Variants in PTPN11 observed in about 807,000 individuals in gnomAD.
The protein encoded by PTPN11 is tyrosine-protein phosphatase non-receptor type 11.
A neutral mutation model predicts 78.8 loss-of-function variants in PTPN11; 6 were observed. The ratio of observed to expected loss-of-function variants is 0.08; its 90% CI spans 0.04 to 0.15. PTPN11 has a LOEUF of 0.15. Among genes scored for constraint, PTPN11 ranks in the 10% least tolerant of loss-of-function variants. The pLI, the probability that PTPN11 is intolerant of heterozygous loss-of-function variation, is 1.00. For synonymous variants in PTPN11, 221 were observed against 263.5 expected, an observed-to-expected ratio of 0.84 and a Z score of 1.56; for missense variants, 386 against 744.8, an observed-to-expected ratio of 0.52 and a Z score of 5.61.
chr12:112,453,334 G>T lies in PTPN11; in HGVS notation c.472G>T (p.Gly158Trp), dbSNP rs2135867266. 1 of 1,614,138 alleles carries T rather than the reference G, an allele frequency of 6.2e-7. No homozygotes were observed. Among genetic ancestry groups the T allele is most frequent in the Non-Finnish European group, 8.5e-7 (1 of 1,180,032 alleles). The change falls in exon 4 of 16, where the codon GGG becomes TGG. Residue 158 changes from glycine to tryptophan, a missense_variant. Gly to Trp is a radical substitution (Grantham distance 184). This residue lies in a region of PTPN11 where 279 missense variants were observed against 503.3 expected (regional missense o/e 0.55). Coordinates refer to ENST00000351677, the MANE Select transcript of PTPN11 (RefSeq NM_002834.5). ...TTCTGTGCGCACTGGTGATGACAAA[G>T]GGGAGAGCAATGACGGCAAGTCTAA... is the stretch of plus-strand genomic sequence containing the variant. ...VLSVRTGDDK[G>W]ESNDGKSKVT...
At chr12:112,422,509 A>G (rs563051017) in intron 1 of PTPN11, among the ~76,000 whole-genome samples, 134 of 152,256 alleles carry the variant, frequency 8.8e-4, no homozygotes, top group Non-Finnish European at 1.5e-3. Context: ...TCTGAAATCC[A>G]TACGCGACGA....
At chr12:112,442,674 A>G (rs1244208050) in intron 1 of PTPN11, among the ~76,000 whole-genome samples, 1 of 148,498 alleles carries the variant, frequency 6.7e-6, no homozygotes, top group Non-Finnish European at 1.5e-5. Context: ...CTGGTCTCGA[A>G]CTCCTGACCT....
intron 1 of PTPN11, among the ~76,000 whole-genome samples, chr12:112,419,684 AACTG>A: frequency 6.6e-6 from 1 of 152,274 alleles, no homozygotes; most frequent in Non-Finnish European, 1.5e-5. Context: ...GAAATGGAAA[AACTG>A]ACTGTATCTG....
At chr12:112,457,653 A>G (rs754475960) in intron 6 of PTPN11, among the ~76,000 whole-genome samples, 4 of 152,150 alleles carry the variant, frequency 2.6e-5, no homozygotes, top group Non-Finnish European at 5.9e-5. Flanking sequence ...AAGCATTCCT[A>G]TTTCTCCACA....
chr12:112,463,147 A>G (rs1387689274), intron 6 of PTPN11, among the ~76,000 whole-genome samples: 2 of 152,158 alleles, frequency 1.3e-5, no homozygotes, highest in African/African-American at 4.8e-5. Flanking sequence ...TGAGTTGATC[A>G]TTTGTGTAAA....
chr12:112,455,512 G>A (rs2135871593), intron 5 of PTPN11, among the ~76,000 whole-genome samples: 1 of 152,262 alleles, frequency 6.6e-6, no homozygotes, highest in South Asian at 2.1e-4. Context: ...TGGGATTATA[G>A]GCATGAGCCA....
intron 6 of PTPN11, among the ~76,000 whole-genome samples, chr12:112,468,702 A>T (rs371325736): frequency 1.3e-5 from 2 of 152,314 alleles, no homozygotes; most frequent in South Asian, 4.1e-4. Flanking sequence ...CCCAGCAGCC[A>T]TCTTGACTGT....
At chr12:112,443,402 A>C (rs1372370135) in intron 1 of PTPN11, among the ~76,000 whole-genome samples, 2 of 146,202 alleles carry the variant, frequency 1.4e-5, no homozygotes, top group African/African-American at 5.1e-5. Flanking sequence ...TATGTTGCCC[A>C]GGCTGGAGTA....
intron 1 of PTPN11, among the ~76,000 whole-genome samples, chr12:112,443,029 T>G (rs2135852195): frequency 6.6e-6 from 1 of 150,936 alleles, no homozygotes; most frequent in East Asian, 1.9e-4. Context: ...GAGGGTAAGT[T>G]GCAGACATGG....
At chr12:112,463,068 G>A (rs549352465) in intron 6 of PTPN11, among the ~76,000 whole-genome samples, 6 of 152,220 alleles carry the variant, frequency 3.9e-5, no homozygotes, top group Admixed American at 6.5e-5. Flanking sequence ...TTGGTTAAAT[G>A]TAAAAAATAG....
Position 112,504,631 on chromosome 12 carries a change from C to A in PTPN11, c.1713-64C>A. The stretch of plus-strand genomic sequence containing the variant: ...AATGTAGTATGTGTTTTATAGATAT[C>A]ATGTAAGCTTAAACAGCGTGGTCTA... On this transcript the variant is annotated intron_variant, in intron 14 of 15. Transcript: ENST00000351677. This position sits in a 1 kb window ranked among gnomAD's most constrained non-coding sequence, Gnocchi z 4.7. 2.5e-6 allele frequency: 3 copies of A among 1,201,938 alleles called. No individual in the cohort carries two copies. The highest frequency in any genetic ancestry group is 3.7e-6 in the Non-Finnish European group (3 of 821,796). The allele number at this position is 1,201,938 out of a possible 1,614,324, so 74.5% of individuals were successfully genotyped here.
chr12:112,423,157 A>G (rs934659073), intron 1 of PTPN11, among the ~76,000 whole-genome samples: 1 of 152,182 alleles, frequency 6.6e-6, no homozygotes, highest in African/African-American at 2.4e-5. Flanking sequence ...TGTATATGTG[A>G]CGCTCTTTGA....
At chr12:112,450,725 C>T (rs2038068275) in intron 3 of PTPN11, among the ~76,000 whole-genome samples, 1 of 152,202 alleles carries the variant, frequency 6.6e-6, no homozygotes. Context: ...GTGTTACTTA[C>T]ACTCATCCTA....
chr12:112,472,743 T>C (rs2038438425), intron 6 of PTPN11, among the ~76,000 whole-genome samples: 1 of 152,148 alleles, frequency 6.6e-6, no homozygotes, highest in Non-Finnish European at 1.5e-5. Flanking sequence ...TGAAGTGATC[T>C]GCCCACCTCA....
At position 112,450,402 on chromosome 12, in the gene PTPN11, G is replaced by A. The variant is rs1429492147; in HGVS notation, c.222G>A (p.Leu74=). 5 of 1,613,728 alleles carry A rather than the reference G, an allele frequency of 3.1e-6. 1 individual carries two copies. The Admixed American group carries it at 6.7e-5, about 22-fold the overall frequency. Residue 74 remains leucine (L), a synonymous_variant, in exon 3 of 16, where the codon TTG becomes TTA. Transcript: ENST00000351677. ...ATGGAGGGGAGAAATTTGCCACTTTGGCTGAGTTGGTCCAGTATTACATGG... is the reference window on the plus strand; with the variant it reads ...ATGGAGGGGAGAAATTTGCCACTTTAGCTGAGTTGGTCCAGTATTACATGG... ...DLYGGEKFAT[L]AELVQYYMEH...
At chr12:112,480,217 C>T (rs185384715) in intron 9 of PTPN11, among the ~76,000 whole-genome samples, 14 of 152,144 alleles carry the variant, frequency 9.2e-5, no homozygotes, top group African/African-American at 2.9e-4. Context: ...TCTTGATTGG[C>T]CAGTGACAGC....
intron 6 of PTPN11, among the ~76,000 whole-genome samples, chr12:112,463,373 G>T (rs554341091): frequency 2.8e-4 from 42 of 152,236 alleles, no homozygotes; most frequent in Non-Finnish European, 5.1e-4. Flanking sequence ...GCAAAAATTA[G>T]TTTCTTTAAA....
At chr12:112,481,208 G>A (rs1264800390) in intron 9 of PTPN11, among the ~76,000 whole-genome samples, 3 of 152,126 alleles carry the variant, frequency 2.0e-5, no homozygotes, top group Admixed American at 6.6e-5. Flanking sequence ...ACACTGGTGC[G>A]GAAATGAAAC....
chr12:112,454,334 G>A (rs2038121514), intron 4 of PTPN11, among the ~76,000 whole-genome samples: 1 of 152,100 alleles, frequency 6.6e-6, no homozygotes, highest in Admixed American at 6.6e-5. Context: ...TGGCCAGGCT[G>A]GTCTCGAACT....
Sources: allele counts gnomAD v4.1 joint callset (sites outside exome capture counted in the v4.1 genomes callset), GRCh38; gene constraint gnomAD v4.1.1; regional missense constraint gnomAD v4.1.1; non-coding constraint Gnocchi (gnomAD v3.1); transcripts MANE v1.5; gene names NCBI Gene and HGNC (gene_info 2026-07-23, HGNC 2026-07-21).